Variants in C12orf42 observed in about 807,000 individuals in gnomAD.
C12orf42 encodes the protein uncharacterized protein C12orf42.
A neutral mutation model predicts 21.6 loss-of-function variants in C12orf42; 25 were observed. The observed-to-expected ratio is 1.16, with a 90% CI of 0.84 to 1.62. C12orf42 has a LOEUF of 1.62. Ranked by LOEUF, C12orf42 falls within the 40% of genes most tolerant of loss-of-function variation. The probability of loss-of-function intolerance (pLI) is 0.00; values close to 1 mark genes in which losing one functional copy is unlikely to be tolerated. For synonymous variants in C12orf42, 174 were observed against 175.0 expected, an observed-to-expected ratio of 0.99 and a Z score of 0.05; for missense variants, 483 against 459.3, an observed-to-expected ratio of 1.05 and a Z score of -0.47.
intron 1 of C12orf42, among the ~76,000 whole-genome samples, chr12:103,489,640 T>C (rs968186524): frequency 1.4e-4 from 22 of 152,316 alleles, no homozygotes; most frequent in African/African-American, 5.1e-4. Context: ...TGTTTACCTA[T>C]TCAAGCCTCA....
At chr12:103,210,472 G>A in the C12orf42 span, among the ~76,000 whole-genome samples, 1 of 152,066 alleles carries the variant, frequency 6.6e-6, no homozygotes, top group Non-Finnish European at 1.5e-5. Context: ...CCTGGAGGCT[G>A]CTTCCTTTTT....
chr12:103,167,795 G>GA, the C12orf42 span, among the ~76,000 whole-genome samples: 316 of 147,760 alleles, frequency 2.1e-3, 1 homozygote, highest in African/African-American at 6.5e-3. Context: ...AACAGTAAAT[G>GA]AAAAAAAAAT....
At chr12:103,223,381 G>T in the C12orf42 span, among the ~76,000 whole-genome samples, 1 of 152,146 alleles carries the variant, frequency 6.6e-6, no homozygotes, top group Non-Finnish European at 1.5e-5. Context: ...GCCTGGATAT[G>T]GTTTTGGATG....
chr12:103,210,341 T>A, the C12orf42 span, among the ~76,000 whole-genome samples: 1 of 152,194 alleles, frequency 6.6e-6, no homozygotes, highest in Non-Finnish European at 1.5e-5. Context: ...ATTTCCAAAT[T>A]TTTTTATATT....
chr12:103,106,462 T>G, the C12orf42 span, among the ~76,000 whole-genome samples: 1 of 152,024 alleles, frequency 6.6e-6, no homozygotes, highest in Non-Finnish European at 1.5e-5. Context: ...AACAGAGTAA[T>G]TTGGGTTTGT....
At chr12:103,406,328 G>C (rs975944081) in intron 2 of C12orf42, among the ~76,000 whole-genome samples, 3 of 152,204 alleles carry the variant, frequency 2.0e-5, no homozygotes, top group South Asian at 4.1e-4. Context: ...GATCTTTGTA[G>C]ATAGCTGCTT....
At chr12:103,541,389 A>G in the C12orf42 span, among the ~76,000 whole-genome samples, 47 of 152,352 alleles carry the variant, frequency 3.1e-4, no homozygotes, top group African/African-American at 1.1e-3. Flanking sequence ...CATATATGAA[A>G]GTGGTCCCAT....
intron 10 of C12orf42, among the ~76,000 whole-genome samples, chr12:103,241,878 A>G (rs778904412): frequency 2.6e-5 from 4 of 152,194 alleles, no homozygotes; most frequent in Non-Finnish European, 5.9e-5. Context: ...CTGTGTTATT[A>G]GTCTTTTTCA....
intron 1 of C12orf42, among the ~76,000 whole-genome samples, chr12:103,483,862 C>G (rs577969597): frequency 6.6e-6 from 1 of 152,140 alleles, no homozygotes; most frequent in South Asian, 2.1e-4. Context: ...CATCCTGTGT[C>G]CAAGTGTTCT....
intron 5 of C12orf42, 57 bp downstream of exon 5, chr12:103,305,917 A>G: frequency 2.6e-6 from 4 of 1,537,776 alleles, no homozygotes; most frequent in Non-Finnish European, 3.5e-6. Flanking sequence ...CTGAAGTTAA[A>G]AACAAAATGT....
chr12:103,469,528 T>G (rs1235185414), intron 2 of C12orf42, among the ~76,000 whole-genome samples: 1 of 152,222 alleles, frequency 6.6e-6, no homozygotes, highest in African/African-American at 2.4e-5. Flanking sequence ...CCACATAATA[T>G]CACTATTTGT....
the C12orf42 span, among the ~76,000 whole-genome samples, chr12:103,133,809 T>C: frequency 2.6e-5 from 4 of 152,254 alleles, no homozygotes; most frequent in African/African-American, 7.2e-5. Context: ...TCCTCCATGC[T>C]ATTCTCATGA....
the C12orf42 span, among the ~76,000 whole-genome samples, chr12:103,116,682 A>G: frequency 6.6e-6 from 1 of 152,190 alleles, no homozygotes; most frequent in African/African-American, 2.4e-5. Flanking sequence ...TAGGGATTCA[A>G]CAAGACATAT....
the C12orf42 span, among the ~76,000 whole-genome samples, chr12:103,075,492 T>C: frequency 6.6e-6 from 1 of 152,362 alleles, no homozygotes; most frequent in South Asian, 2.1e-4. Context: ...ATAGCAGTGA[T>C]GCCACTGATC....
chr12:103,314,371 T>C (rs1165347105), intron 4 of C12orf42, among the ~76,000 whole-genome samples: 1 of 152,204 alleles, frequency 6.6e-6, no homozygotes, highest in African/African-American at 2.4e-5. Context: ...ATGTGCCTGG[T>C]AGTTTTTTAC....
At chr12:103,185,765 C>T in the C12orf42 span, among the ~76,000 whole-genome samples, 1 of 152,188 alleles carries the variant, frequency 6.6e-6, no homozygotes, top group Admixed American at 6.6e-5. Flanking sequence ...TTTGCATCTT[C>T]TGCATTTTGC....
At chr12:103,398,461 G>T (rs2047714700) in intron 3 of C12orf42, among the ~76,000 whole-genome samples, 2 of 151,992 alleles carry the variant, frequency 1.3e-5, no homozygotes, top group African/African-American at 4.8e-5. Flanking sequence ...TTGTTAACTT[G>T]TAACTTGTCC....
chr12:103,148,784 TC>T, the C12orf42 span, among the ~76,000 whole-genome samples: 1 of 152,308 alleles, frequency 6.6e-6, no homozygotes, highest in South Asian at 2.1e-4. Context: ...TATTACCTAC[TC>T]TGGTGAATTA....
chr12:103,527,722 G>A, the C12orf42 span, among the ~76,000 whole-genome samples: 1 of 152,144 alleles, frequency 6.6e-6, no homozygotes, highest in Admixed American at 6.5e-5. Flanking sequence ...CAGGGGGCCA[G>A]AACCTGAACC....
Sources: allele counts gnomAD v4.1 joint callset (sites outside exome capture counted in the v4.1 genomes callset), GRCh38; gene constraint gnomAD v4.1.1; transcripts MANE v1.5; gene names NCBI Gene and HGNC (gene_info 2026-07-23, HGNC 2026-07-21).